Variants in ROR1 observed in about 807,000 individuals in gnomAD.
ROR1 encodes the protein ROR family WNT receptor 1.
A neutral mutation model predicts 78.8 loss-of-function variants in ROR1; 19 were observed. The observed-to-expected ratio is 0.24, with a 90% confidence interval of 0.17 to 0.35. ROR1 has a LOEUF of 0.35. Among genes scored for constraint, ROR1 ranks in the 10% least tolerant of loss-of-function variants. The pLI is 1.00. For missense variants in ROR1, 917 were observed against 1,177.8 expected (o/e 0.78, Z 3.24); for synonymous variants, 386 against 433.6 (o/e 0.89, Z 1.36).
chr1:63,864,796 CTT>C (rs757581149), intron 1 of ROR1, among the ~76,000 whole-genome samples: 3 of 137,978 alleles, frequency 2.2e-5, no homozygotes. Flanking sequence ...ATCTTTCAAT[CTT>C]TTTTTTTTTT....
At chr1:63,930,122 C>A (rs112803143) in intron 1 of ROR1, among the ~76,000 whole-genome samples, 4,144 of 152,274 alleles carry the variant, frequency 0.027, 150 homozygotes, top group Admixed American at 0.12. Flanking sequence ...TCTAGCCCCC[C>A]ACCCGCTGAC....
intron 1 of ROR1, among the ~76,000 whole-genome samples, chr1:63,781,995 A>G (rs559852164): frequency 6.6e-6 from 1 of 152,176 alleles, no homozygotes; most frequent in Non-Finnish European, 1.5e-5. Flanking sequence ...GGAAAGAATC[A>G]AGATGTCTCA....
intron 1 of ROR1, among the ~76,000 whole-genome samples, chr1:63,952,759 G>A (rs1164376744): frequency 2.6e-5 from 4 of 152,126 alleles, no homozygotes; most frequent in East Asian, 1.9e-4. Flanking sequence ...CTGTCTAGGA[G>A]CAATTTAAGG....
At chr1:64,029,305 TC>T (rs1646640803) in intron 2 of ROR1, among the ~76,000 whole-genome samples, 2 of 152,152 alleles carry the variant, frequency 1.3e-5, no homozygotes, top group African/African-American at 2.4e-5. Flanking sequence ...ATGTAACTAA[TC>T]AAGCAGCAAA....
chr1:64,154,883 T>A (rs894911389), intron 7 of ROR1, among the ~76,000 whole-genome samples: 21 of 152,338 alleles, frequency 1.4e-4, no homozygotes, highest in African/African-American at 4.1e-4. Context: ...TCCATTACCC[T>A]TTAAAATGAC....
chr1:63,955,219 T>A (rs1027001558), intron 1 of ROR1, among the ~76,000 whole-genome samples: 3 of 152,088 alleles, frequency 2.0e-5, no homozygotes, highest in African/African-American at 4.8e-5. Context: ...TCTGAAGGGG[T>A]TTACAGATAT....
At chr1:64,040,624 G>C (rs1646738712) in intron 2 of ROR1, among the ~76,000 whole-genome samples, 1 of 152,198 alleles carries the variant, frequency 6.6e-6, no homozygotes, top group African/African-American at 2.4e-5. Context: ...AGCATGGTCA[G>C]GTTCTCCCTG....
chr1:64,104,748 G>T (rs1647720585), intron 4 of ROR1, among the ~76,000 whole-genome samples: 1 of 152,142 alleles, frequency 6.6e-6, no homozygotes, highest in African/African-American at 2.4e-5. Context: ...TGCTGAGAAT[G>T]ATGGCTTCCA....
At chr1:64,050,010 G>A in intron 3 of ROR1, 32 bp downstream of exon 3, 1 of 1,609,696 alleles carries the variant, frequency 6.2e-7, no homozygotes, top group South Asian at 1.1e-5. Context: ...ATGGACTTTG[G>A]CCCTCAGCCC....
At chr1:63,976,368 T>C (rs566262231) in intron 1 of ROR1, among the ~76,000 whole-genome samples, 3 of 152,304 alleles carry the variant, frequency 2.0e-5, no homozygotes, top group African/African-American at 7.2e-5. Context: ...CATCTCTCTA[T>C]ATGTTTAAGC....
At chr1:63,816,290 C>T (rs1644891758) in intron 1 of ROR1, among the ~76,000 whole-genome samples, 1 of 152,172 alleles carries the variant, frequency 6.6e-6, no homozygotes, top group South Asian at 2.1e-4. Context: ...CATGTAGTAG[C>T]TCCCATAACT....
chr1:64,039,010 T>G (rs898229508), intron 2 of ROR1, among the ~76,000 whole-genome samples: 1 of 152,196 alleles, frequency 6.6e-6, no homozygotes, highest in African/African-American at 2.4e-5. Flanking sequence ...GCAGATAATT[T>G]CTAATTGTTG....
intron 1 of ROR1, among the ~76,000 whole-genome samples, chr1:63,831,971 ATCTC>A (rs763655548): frequency 6.6e-6 from 1 of 152,158 alleles, no homozygotes; most frequent in Admixed American, 6.5e-5. Flanking sequence ...TATCCAAACC[ATCTC>A]TCTCAAGTTT....
intron 1 of ROR1, among the ~76,000 whole-genome samples, chr1:63,899,461 C>T (rs1005302292): frequency 2.6e-5 from 4 of 152,058 alleles, no homozygotes; most frequent in South Asian, 4.2e-4. Flanking sequence ...TTCTTCAAAA[C>T]GATATTAATA....
chr1:64,045,577 A>G (rs1453519186), intron 2 of ROR1, among the ~76,000 whole-genome samples: 1 of 152,144 alleles, frequency 6.6e-6, no homozygotes, highest in Non-Finnish European at 1.5e-5. Context: ...TGGAGCCAAA[A>G]TAATTTGTTT....
At chr1:63,833,543 G>A (rs959064566) in intron 1 of ROR1, among the ~76,000 whole-genome samples, 4 of 152,206 alleles carry the variant, frequency 2.6e-5, no homozygotes, top group African/African-American at 4.8e-5. Flanking sequence ...GCTCGGGGAC[G>A]AGCCTCAGAA....
At chr1:63,800,895 T>C (rs960505317) in intron 1 of ROR1, among the ~76,000 whole-genome samples, 1 of 152,132 alleles carries the variant, frequency 6.6e-6, no homozygotes, top group African/African-American at 2.4e-5. Context: ...ACTGTGGGGA[T>C]ATTAATTAAC....
At chr1:63,840,433 C>T (rs890446799) in intron 1 of ROR1, among the ~76,000 whole-genome samples, 1 of 151,856 alleles carries the variant, frequency 6.6e-6, no homozygotes, top group Non-Finnish European at 1.5e-5. Context: ...GTACACGCCA[C>T]CACGCCTAGC....
At chr1:64,085,407 G>A (rs1032270469) in intron 4 of ROR1, among the ~76,000 whole-genome samples, 1 of 152,234 alleles carries the variant, frequency 6.6e-6, no homozygotes, top group Admixed American at 6.5e-5. Context: ...CCCATGCAGA[G>A]CCAACAATGG....
Sources: allele counts gnomAD v4.1 joint callset (sites outside exome capture counted in the v4.1 genomes callset), GRCh38; gene constraint gnomAD v4.1.1; transcripts MANE v1.5; gene names NCBI Gene and HGNC (gene_info 2026-07-23, HGNC 2026-07-21).